Variants in SPTBN1 observed in about 807,000 individuals in gnomAD.
The protein encoded by SPTBN1 is spectrin beta, non-erythrocytic 1, also known as spectrin beta chain, non-erythrocytic 1.
SPTBN1 carries 32 observed loss-of-function variants against 266.4 expected under a neutral mutation model. That is an observed-to-expected ratio of 0.12 (90% CI 0.09 to 0.16). The LOEUF (loss-of-function observed/expected upper bound fraction) is 0.16, where lower values mean the gene tolerates loss of function less well. Among genes scored for constraint, SPTBN1 ranks in the 10% least tolerant of loss-of-function variants. SPTBN1 has a pLI of 1.00. For missense variants in SPTBN1, 2,296 were observed against 3,067.1 expected (o/e 0.75, Z 5.94); for synonymous variants, 1,336 against 1,162.2 (o/e 1.15, Z -3.04).
chr2:54,561,607 A>G (rs1336251679), intron 2 of SPTBN1, among the ~76,000 whole-genome samples: 1 of 150,972 alleles, frequency 6.6e-6, no homozygotes, highest in African/African-American at 2.5e-5. Flanking sequence ...AGTTCTGGCT[A>G]AGGAGAATAT....
intron 1 of SPTBN1, among the ~76,000 whole-genome samples, chr2:54,462,776 T>C (rs1693430584): frequency 6.6e-6 from 1 of 152,228 alleles, no homozygotes; most frequent in African/African-American, 2.4e-5. Flanking sequence ...TTTTATAAAA[T>C]GGAAGACTTA....
intron 2 of SPTBN1, among the ~76,000 whole-genome samples, chr2:54,595,853 A>G (rs947158912): frequency 6.6e-6 from 1 of 152,200 alleles, no homozygotes; most frequent in East Asian, 1.9e-4. Flanking sequence ...TCTAAATGCC[A>G]GTAGCATCTA....
At chr2:54,491,373 A>G (rs759044850) in intron 1 of SPTBN1, among the ~76,000 whole-genome samples, 2 of 152,226 alleles carry the variant, frequency 1.3e-5, no homozygotes, top group African/African-American at 4.8e-5. Flanking sequence ...TTCATTACCA[A>G]CTAGATAATA....
chr2:54,457,966 T>C (rs956672523), intron 1 of SPTBN1, among the ~76,000 whole-genome samples: 2 of 152,112 alleles, frequency 1.3e-5, no homozygotes, highest in South Asian at 2.1e-4. Context: ...ACCTGAGCCA[T>C]AGGGAGGGGC....
At chr2:54,525,751 G>T (rs1381473036) in intron 1 of SPTBN1, among the ~76,000 whole-genome samples, 1 of 151,716 alleles carries the variant, frequency 6.6e-6, no homozygotes, top group Non-Finnish European at 1.5e-5. Flanking sequence ...TTCTTTTTGA[G>T]ACGGAGTCTC....
chr2:54,638,761 T>C (rs1206504470), intron 18 of SPTBN1, among the ~76,000 whole-genome samples: 1 of 152,106 alleles, frequency 6.6e-6, no homozygotes, highest in African/African-American at 2.4e-5. Flanking sequence ...CACAAAAAGC[T>C]GCAGGAACCT....
At chr2:54,576,049 A>T (rs1573449948) in intron 2 of SPTBN1, among the ~76,000 whole-genome samples, 4 of 62,734 alleles carry the variant, frequency 6.4e-5, no homozygotes, top group East Asian at 3.3e-4. Context: ...TGTCACTCAG[A>T]TCCAGCTTTT....
At chr2:54,490,190 G>C (rs897487099) in intron 1 of SPTBN1, among the ~76,000 whole-genome samples, 2 of 151,258 alleles carry the variant, frequency 1.3e-5, no homozygotes, top group Non-Finnish European at 2.9e-5. Flanking sequence ...TCTTCTTTCA[G>C]CCTCCTGAGT....
rs191813799 is a variant in SPTBN1, at chr2:54,573,955, G to A, written c.149-25137G>A. Among the ~76,000 whole-genome samples, 375 of 152,212 alleles carry A rather than the reference G, an allele frequency of 2.5e-3. 1 individual carries two copies. The highest frequency in any genetic ancestry group is 6.2e-3 in the Admixed American group (94 of 15,276). The stretch of plus-strand genomic sequence containing the variant: ...GAACACCAGCCCTCCCTTCTCCTCT[G>A]GGGTTGCTGTGAGAATCAGTTAGAA... On this transcript the variant is annotated intron_variant, in intron 2 of 35. Transcript: ENST00000356805.
At chr2:54,590,325 CCCT>C (rs1413311792) in intron 2 of SPTBN1, among the ~76,000 whole-genome samples, 1 of 152,186 alleles carries the variant, frequency 6.6e-6, no homozygotes, top group Non-Finnish European at 1.5e-5. Flanking sequence ...TATGAAATTT[CCCT>C]CCTCAACAAT....
intron 2 of SPTBN1, among the ~76,000 whole-genome samples, chr2:54,536,753 C>T (rs980061895): frequency 3.3e-5 from 5 of 152,184 alleles, no homozygotes; most frequent in South Asian, 4.1e-4. Context: ...AAGGAGAGGC[C>T]GGGAGCTGTG....
Position 54,533,900 on chromosome 2 carries a change from TCACACACACACACA to T in SPTBN1, c.148+7348_148+7361del, listed in dbSNP as rs70944176. ...ATTGATCTCTCTCTCTGTCTCTCTC[TCACACACACACACA>T]CACACACACACACGCACGCACGCAC... On this transcript the variant is annotated intron_variant, in intron 2 of 35. Coordinates refer to ENST00000356805, the MANE Select transcript of SPTBN1 (RefSeq NM_003128.3). This position sits in a 1 kb window ranked among gnomAD's most constrained non-coding sequence, Gnocchi z 4.2. Among the ~76,000 whole-genome samples, 1 of 150,330 alleles carries T rather than the reference TCACACACACACACA, an allele frequency of 6.7e-6. No homozygotes were observed. The highest frequency in any genetic ancestry group is 2.4e-5 in the African/African-American group (1 of 40,938).
intron 1 of SPTBN1, among the ~76,000 whole-genome samples, chr2:54,512,435 T>C (rs532744002): frequency 1.3e-5 from 2 of 152,344 alleles, no homozygotes; most frequent in Admixed American, 1.3e-4. Context: ...TGAACAGCTC[T>C]TTGAGAAAAT....
rs1409886231 is a variant in SPTBN1, at chr2:54,647,125, T to C, written c.4867-6T>C. 6.2e-6 allele frequency: 10 copies of C among 1,614,032 alleles called. No individual in the cohort carries two copies. The African/African-American group carries it at 9.3e-5, about 15-fold the overall frequency. On this transcript the variant is annotated splice_polypyrimidine_tract_variant and splice_region_variant and intron_variant, in intron 23 of 35. Coordinates refer to ENST00000356805, the MANE Select transcript of SPTBN1 (RefSeq NM_003128.3). ...CTATGGTTGTGATGTTCTCCTGTCT[T>C]TGCAGGATGAGCAGAGTGCTGTCTC...
intron 18 of SPTBN1, among the ~76,000 whole-genome samples, chr2:54,639,673 G>A (rs1371067834): frequency 6.6e-6 from 1 of 152,238 alleles, no homozygotes; most frequent in African/African-American, 2.4e-5. Flanking sequence ...TAGAATCACA[G>A]GAAATGGTCA....
At chr2:54,487,830 G>GTTTTTTTTTTTT (rs1558770807) in intron 1 of SPTBN1, among the ~76,000 whole-genome samples, 7 of 5,938 alleles carry the variant, frequency 1.2e-3, no homozygotes, top group Non-Finnish European at 1.5e-3. Flanking sequence ...CTCCTCCTGT[G>GTTTTTTTTTTTT]TCTTTTTTTT....
At position 54,493,301 on chromosome 2, in the gene SPTBN1, C is replaced by T. The variant is rs148860090; in HGVS notation, c.-47-33071C>T. On this transcript the variant is annotated intron_variant, in intron 1 of 35. Transcript: ENST00000356805. ...AATTACAGGCATGAACCACCGCACC[C>T]GGCCTAAGGAGCATATCTTGATGTT... Among the ~76,000 whole-genome samples, 205 of 151,596 alleles carry T rather than the reference C, an allele frequency of 1.4e-3. 1 individual carries two copies. In the Middle Eastern group the frequency reaches 0.044, roughly 33 times the overall value.
At chr2:54,561,154 T>A (rs537634485) in intron 2 of SPTBN1, among the ~76,000 whole-genome samples, 59 of 152,338 alleles carry the variant, frequency 3.9e-4, no homozygotes, top group Non-Finnish European at 7.9e-4. Flanking sequence ...TTTTTTGTTT[T>A]CGTTTTAAGA....
rs1673003972 is a variant in SPTBN1 at position 54,558,157 on chromosome 2, C to T, written c.148+31591C>T. 1.0e-5 allele frequency: 10 copies of T among 985,378 alleles called. No homozygotes were observed. Among genetic ancestry groups the T allele is most frequent in the Non-Finnish European group, 1.2e-5 (10 of 829,902 alleles). The allele number at this position is 985,378 out of a possible 1,614,324, so 61.0% of individuals were successfully genotyped here. On this transcript the variant is annotated intron_variant, in intron 2 of 35. Transcript: ENST00000356805. The surrounding 1 kb of genome is among the most constrained non-coding windows in gnomAD (Gnocchi z 4.6). Reference sequence around the variant, plus strand: ...TCTGTTTGGGAAGGCACTACCGCGGCGAGTCCAGGGCCCGGCCGGGGGTCG... The same window carrying T: ...TCTGTTTGGGAAGGCACTACCGCGGTGAGTCCAGGGCCCGGCCGGGGGTCG...
Sources: gnomAD v4.1 joint callset for allele counts (sites outside exome capture counted in the v4.1 genomes callset) on GRCh38, gnomAD v4.1.1 for gene constraint, Gnocchi (gnomAD v3.1) non-coding constraint, MANE v1.5 for transcripts, NCBI Gene and HGNC (gene_info 2026-07-23, HGNC 2026-07-21) for gene names.